The following CACNA1A variants were observed in gnomAD, a reference collection of about 807,000 sequenced individuals.
The protein encoded by CACNA1A is voltage-dependent P/Q-type calcium channel subunit alpha-1A.
Under a neutral mutation model 262.4 loss-of-function variants are expected in CACNA1A, and 57 were observed. That is an observed-to-expected ratio of 0.22 (90% CI 0.18 to 0.27). The LOEUF is 0.27. Among genes scored for constraint, CACNA1A ranks in the 10% least tolerant of loss-of-function variants. CACNA1A has a pLI of 1.00. For missense variants in CACNA1A, 2,526 were observed against 3,562.8 expected (o/e 0.71, Z 7.41); for synonymous variants, 1,431 against 1,419.3 (o/e 1.01, Z -0.18).
chr19:13,244,769 C>T (rs1443051223), intron 31 of CACNA1A: 2 of 174,846 alleles, frequency 1.1e-5, no homozygotes, highest in Non-Finnish European at 2.5e-5. Flanking sequence ...CTCTCCTGCC[C>T]ACTAACTAGG....
intron 6 of CACNA1A, among the ~76,000 whole-genome samples, chr19:13,337,360 T>A (rs2058594697): frequency 1.3e-5 from 2 of 152,192 alleles, no homozygotes; most frequent in Non-Finnish European, 2.9e-5. Context: ...ATTCTTGGCT[T>A]GTAGAGGCAT....
At chr19:13,376,899 GAT>G (rs2059428849) in intron 3 of CACNA1A, among the ~76,000 whole-genome samples, 1 of 143,610 alleles carries the variant, frequency 7.0e-6, no homozygotes, top group South Asian at 2.2e-4. Flanking sequence ...TGTTATATGT[GAT>G]ATATAATTTA....
intron 31 of CACNA1A, among the ~76,000 whole-genome samples, chr19:13,243,316 T>C (rs547023323): frequency 6.6e-5 from 10 of 152,248 alleles, no homozygotes; most frequent in African/African-American, 2.4e-4. Flanking sequence ...CAAATAAGTG[T>C]GTATCACTTG....
At chr19:13,286,044 C>G (rs1288893083) in intron 20 of CACNA1A, among the ~76,000 whole-genome samples, 1 of 150,906 alleles carries the variant, frequency 6.6e-6, no homozygotes, top group Non-Finnish European at 1.5e-5. Context: ...CTACCTCGGC[C>G]TCCTGAAGTA....
intron 3 of CACNA1A, among the ~76,000 whole-genome samples, chr19:13,380,125 AAT>A (rs1196180553): frequency 1.5e-5 from 2 of 130,732 alleles, no homozygotes; most frequent in African/African-American, 5.9e-5. Flanking sequence ...CTCTACTAAA[AAT>A]ACAAAAATTA....
At chr19:13,390,016 T>C (rs2144646210) in intron 3 of CACNA1A, among the ~76,000 whole-genome samples, 1 of 151,668 alleles carries the variant, frequency 6.6e-6, no homozygotes, top group African/African-American at 2.4e-5. Flanking sequence ...GGTTTTACCA[T>C]GTTAGCCAGG....
Position 13,506,468 on chromosome 19 carries a change from C to G in CACNA1A, c.-244G>C. 3.4e-6 allele frequency: 1 copy of G among 294,118 alleles called. No individual in the cohort carries two copies. Among genetic ancestry groups the G allele is most frequent in the Non-Finnish European group, 6.0e-6 (1 of 166,314 alleles). 18.2% of individuals were successfully genotyped at this position (294,118 alleles called of 1,614,324 possible). On this transcript the variant is annotated 5_prime_UTR_variant, in exon 1 of 47. Coordinates refer to ENST00000360228, the MANE Select transcript of CACNA1A (RefSeq NM_001127222.2). Reference sequence around the variant, plus strand: ...ATAGCAGCTCGGGACATCTTCCTGGCTGACCCCGGAGAAGGAGGGGCGGGA... The same window carrying G: ...ATAGCAGCTCGGGACATCTTCCTGGGTGACCCCGGAGAAGGAGGGGCGGGA...
intron 28 of CACNA1A, 185 bp downstream of exon 28, chr19:13,257,165 C>T (rs1244381716): frequency 2.0e-5 from 11 of 556,178 alleles, no homozygotes; most frequent in Non-Finnish European, 3.6e-5. Context: ...CTGATACATA[C>T]ACTATATGAT....
chr19:13,457,567 T>C (rs915431942), intron 1 of CACNA1A, among the ~76,000 whole-genome samples: 6 of 151,916 alleles, frequency 3.9e-5, no homozygotes, highest in Admixed American at 3.9e-4. Context: ...AGGAATGAAG[T>C]AGGCCGGGTG....
chr19:13,293,447 T>A (rs1237598362), intron 19 of CACNA1A, among the ~76,000 whole-genome samples: 3 of 135,828 alleles, frequency 2.2e-5, no homozygotes, highest in African/African-American at 8.3e-5. Flanking sequence ...ATCTTTTTTT[T>A]TTTTTTTTTT....
chr19:13,460,530 G>A (rs2061101524), intron 1 of CACNA1A, among the ~76,000 whole-genome samples: 1 of 152,140 alleles, frequency 6.6e-6, no homozygotes, highest in Non-Finnish European at 1.5e-5. Context: ...TCAGCCTAAT[G>A]CATGTGGAAG....
chr19:13,329,636 A>AT (rs1228405474), intron 10 of CACNA1A, among the ~76,000 whole-genome samples: 6 of 150,572 alleles, frequency 4.0e-5, no homozygotes, highest in Non-Finnish European at 5.9e-5. Context: ...CTACAGGCTA[A>AT]TTTTTTTCGT....
At chr19:13,338,162 C>T (rs766185595) in intron 6 of CACNA1A, among the ~76,000 whole-genome samples, 33 of 151,922 alleles carry the variant, frequency 2.2e-4, no homozygotes, top group Non-Finnish European at 4.1e-4. Context: ...TTGCAGTGAG[C>T]GGAGATCACA....
intron 22 of CACNA1A, among the ~76,000 whole-genome samples, chr19:13,280,326 C>G (rs2057259756): frequency 3.3e-5 from 5 of 151,484 alleles, no homozygotes. Context: ...CAGGTGTGCA[C>G]CACCACGCTC....
intron 1 of CACNA1A, among the ~76,000 whole-genome samples, chr19:13,484,172 C>T (rs1740425787): frequency 6.6e-6 from 1 of 152,176 alleles, no homozygotes; most frequent in Non-Finnish European, 1.5e-5. Flanking sequence ...AAAAACCCTT[C>T]CACTTCTCCC....
chr19:13,430,743 A>AT (rs2060491533), intron 3 of CACNA1A, among the ~76,000 whole-genome samples: 1 of 152,084 alleles, frequency 6.6e-6, no homozygotes, highest in South Asian at 2.1e-4. Flanking sequence ...GGGGCAGGGG[A>AT]TTGGCAATAA....
intron 17 of CACNA1A, among the ~76,000 whole-genome samples, chr19:13,303,042 A>G (rs1283743727): frequency 6.6e-6 from 1 of 152,028 alleles, no homozygotes; most frequent in Non-Finnish European, 1.5e-5. Flanking sequence ...GCGTTTGGCT[A>G]AGGGGAGGCT....
intron 1 of CACNA1A, among the ~76,000 whole-genome samples, chr19:13,501,285 C>T (rs1475609511): frequency 6.6e-6 from 1 of 151,472 alleles, no homozygotes; most frequent in Admixed American, 6.6e-5. Flanking sequence ...TCAAATGATT[C>T]TCCTGCCAGC....
At chr19:13,344,241 T>G (rs1246964139) in intron 6 of CACNA1A, among the ~76,000 whole-genome samples, 1 of 138,212 alleles carries the variant, frequency 7.2e-6, no homozygotes. Flanking sequence ...AAAAAAAAAT[T>G]ACAAATTAAG....
Sources: allele counts gnomAD v4.1 joint callset (sites outside exome capture counted in the v4.1 genomes callset), GRCh38; gene constraint gnomAD v4.1.1; transcripts MANE v1.5; gene names NCBI Gene and HGNC (gene_info 2026-07-23, HGNC 2026-07-21).